Variants in NR2C2 observed in about 807,000 individuals in gnomAD.
NR2C2 encodes Nuclear hormone receptor TR4.
Under a neutral mutation model 62.9 loss-of-function variants are expected in NR2C2, and 6 were observed. The observed-to-expected ratio is 0.10, with a 90% confidence interval of 0.05 to 0.19. The LOEUF (loss-of-function observed/expected upper bound fraction) is 0.19, where lower values mean the gene tolerates loss of function less well. NR2C2 is among the 10% of genes least tolerant of loss of function. NR2C2 has a pLI of 1.00. For synonymous variants in NR2C2, 272 were observed against 273.8 expected, an observed-to-expected ratio of 0.99 and a Z score of 0.07; for missense variants, 479 against 762.7, an observed-to-expected ratio of 0.63 and a Z score of 4.38.
In NR2C2 at chr3:14,996,044, G is replaced by A. The variant is rs62240379; in HGVS notation, c.-39-7832G>A. Among the ~76,000 whole-genome samples the A allele has an allele frequency of 4.5e-3, 691 of 152,182 alleles. 3 individuals are homozygous for A. The highest frequency in any genetic ancestry group is 0.01 in the Middle Eastern group (3 of 294). On this transcript the variant is annotated intron_variant, in intron 1 of 13. Transcript: ENST00000425241. ...TTGTCTTCTTTTCATTGAGTTATAA[G>A]GGTTCTTCATATATTCTGAATAAAA...
chr3:14,981,445 T>A (rs1229457902), intron 1 of NR2C2, among the ~76,000 whole-genome samples: 2 of 151,476 alleles, frequency 1.3e-5, no homozygotes, highest in Non-Finnish European at 2.9e-5. Flanking sequence ...CTGCTAAAAA[T>A]ACAAAAAATT....
chr3:14,948,315 C>T (rs1239147710), intron 1 of NR2C2: 3 of 152,370 alleles, frequency 2.0e-5, no homozygotes, highest in Non-Finnish European at 4.4e-5. Context: ...TTCACCCCTC[C>T]GCTTCTAGTC....
intron 1 of NR2C2, among the ~76,000 whole-genome samples, chr3:14,961,084 C>T (rs2039675913): frequency 6.6e-6 from 1 of 152,148 alleles, no homozygotes; most frequent in African/African-American, 2.4e-5. Context: ...GGTCTCATGT[C>T]ATTGTAGAAG....
At position 15,003,931 on chromosome 3, in the gene NR2C2, C is replaced by A; in HGVS notation, c.17C>A (p.Pro6Gln). The A allele has an allele frequency of 6.2e-7, 1 of 1,613,958 alleles. No homozygotes were observed. Residue 6 changes from proline to glutamine, a missense_variant, in exon 2 of 14, where the codon CCA (proline) becomes CAA (glutamine). Physicochemically the swap from Pro to Gln is moderately conservative, Grantham distance 76. This residue lies in a region of NR2C2 where 115 missense variants were observed against 152.3 expected (regional missense o/e 0.76). Coordinates refer to ENST00000425241, the MANE Select transcript of NR2C2 (RefSeq NM_001291694.2). ...TCTCCAGGGATGACCAGCCCCTCCC[C>A]ACGCATCCAGATAATCTCCACCGAC... MTSPS[P>Q]RIQIISTDSA... is the part of the protein sequence containing the mutation.
chr3:14,964,396 C>T (rs2039776649), intron 1 of NR2C2, among the ~76,000 whole-genome samples: 1 of 152,236 alleles, frequency 6.6e-6, no homozygotes, highest in Admixed American at 6.5e-5. Flanking sequence ...CCTCCTACCA[C>T]TATGCAGTCA....
chr3:15,007,918 C>T (rs1162787821), intron 2 of NR2C2, among the ~76,000 whole-genome samples: 1 of 152,178 alleles, frequency 6.6e-6, no homozygotes, highest in Non-Finnish European at 1.5e-5. Context: ...TATGTAACTG[C>T]TCCAAGTTGA....
intron 2 of NR2C2, among the ~76,000 whole-genome samples, chr3:15,006,782 T>A (rs1331935607): frequency 6.6e-6 from 1 of 152,026 alleles, no homozygotes; most frequent in Admixed American, 6.6e-5. Flanking sequence ...GAATCTTTTT[T>A]TTTTTTTTTT....
chr3:14,959,545 A>T (rs1378825512), intron 1 of NR2C2: 1 of 152,008 alleles, frequency 6.6e-6, no homozygotes, highest in African/African-American at 2.4e-5. Context: ...GAAGGTGCAC[A>T]TTCCTCCTTG....
At chr3:15,006,546 G>A (rs2041177811) in intron 2 of NR2C2, among the ~76,000 whole-genome samples, 1 of 152,106 alleles carries the variant, frequency 6.6e-6, no homozygotes, top group Non-Finnish European at 1.5e-5. Flanking sequence ...CTGGTTTTGG[G>A]TTGAGGGACA....
At chr3:15,040,855 G>A (rs879255895) in intron 13 of NR2C2, among the ~76,000 whole-genome samples, 2 of 152,160 alleles carry the variant, frequency 1.3e-5, no homozygotes, top group Non-Finnish European at 2.9e-5. Flanking sequence ...ATACAGTCAG[G>A]TTGTCCTCCT....
chr3:14,957,384 A>C (rs1029795372), intron 1 of NR2C2, among the ~76,000 whole-genome samples: 16 of 152,212 alleles, frequency 1.1e-4, no homozygotes, highest in Non-Finnish European at 2.4e-4. Context: ...TCACTAAAGA[A>C]ACTCTGGTTG....
rs1464443119 is a variant in NR2C2 at position 15,024,004 on chromosome 3, T to C, written c.705-111T>C. The C allele has an allele frequency of 3.9e-6, 3 of 769,050 alleles. No homozygotes were observed. The East Asian group carries it at 7.9e-5, about 20-fold the overall frequency. 47.6% of individuals were successfully genotyped at this position (769,050 alleles called of 1,614,324 possible). A position where few individuals can be genotyped will look rare whatever the true frequency, so the allele number is the denominator to read the frequency against. On this transcript the variant is annotated intron_variant, in intron 6 of 13. Coordinates refer to ENST00000425241, the MANE Select transcript of NR2C2 (RefSeq NM_001291694.2). ...TAAGCGGCTGAGTCTACTTAGAGCT[T>C]TTCTACTATTCAGACAGCTTCACAA...
In NR2C2 at chr3:15,028,636, C is replaced by T. The variant is rs1197719822; in HGVS notation, c.849C>T (p.Ser283=). Residue 283 remains serine, a synonymous_variant, in exon 8 of 14, where the codon TCC becomes TCT. Coordinates refer to ENST00000425241, the MANE Select transcript of NR2C2 (RefSeq NM_001291694.2). ...GCACACTGGCAAATGTAGTGACCTC[C>T]CTTGCCAACCTAAGTGAATCTTTGA... is the stretch of plus-strand genomic sequence containing the variant. The part of the protein sequence containing the change: ...ALGTLANVVT[S]LANLSESLNN... 1 of 1,614,050 alleles carries T rather than the reference C, an allele frequency of 6.2e-7. No individual in the cohort carries two copies. Among genetic ancestry groups the T allele is most frequent in the East Asian group, 2.2e-5 (1 of 44,882 alleles).
intron 11 of NR2C2, among the ~76,000 whole-genome samples, chr3:15,035,637 G>A (rs1038538801): frequency 2.0e-5 from 3 of 152,128 alleles, no homozygotes; most frequent in South Asian, 2.1e-4. Context: ...GCTCACTCCT[G>A]TAATCCCAGC....
rs747720488 is a variant in NR2C2 at position 15,047,609 on chromosome 3, A to G, written c.*4601A>G. On this transcript the variant is annotated 3_prime_UTR_variant, in exon 14 of 14. Coordinates refer to ENST00000425241, the MANE Select transcript of NR2C2 (RefSeq NM_001291694.2). ...GGCCTGACTCCCAAAGATGGTAGCA[A>G]TTTCCCAGGCTTGCGCTGTGCTCAG... is the stretch of plus-strand genomic sequence containing the variant. The G allele has an allele frequency of 2.0e-5, 3 of 152,196 alleles. No homozygotes were observed. Among genetic ancestry groups the G allele is most frequent in the Non-Finnish European group, 1.5e-5 (1 of 68,052 alleles). 9.4% of individuals were successfully genotyped at this position (152,196 alleles called of 1,614,324 possible). A position where few individuals can be genotyped will look rare whatever the true frequency, so the allele number is the denominator to read the frequency against.
chr3:14,981,144 A>G (rs1011603399), intron 1 of NR2C2, among the ~76,000 whole-genome samples: 5 of 152,214 alleles, frequency 3.3e-5, no homozygotes, highest in African/African-American at 9.6e-5. Flanking sequence ...GCACTGCTAA[A>G]CACTGTACAT....
intron 1 of NR2C2, among the ~76,000 whole-genome samples, chr3:14,979,155 T>G (rs917490834): frequency 6.6e-6 from 1 of 152,228 alleles, no homozygotes; most frequent in African/African-American, 2.4e-5. Flanking sequence ...CTTTTTGTCT[T>G]TGTGGGTTTG....
intron 1 of NR2C2, among the ~76,000 whole-genome samples, chr3:14,989,423 T>C (rs2040602177): frequency 6.6e-6 from 1 of 152,120 alleles, no homozygotes; most frequent in Non-Finnish European, 1.5e-5. Context: ...TTCTTGTGGG[T>C]CTTTTCTATG....
At chr3:15,034,831 C>G (rs1448143298) in intron 11 of NR2C2, 22 bp downstream of exon 11, 1 of 1,596,992 alleles carries the variant, frequency 6.3e-7, no homozygotes, top group Non-Finnish European at 8.5e-7. Context: ...GGACTTGGGG[C>G]TGGGGTGTGT....
Sources: allele counts gnomAD v4.1 joint callset (sites outside exome capture counted in the v4.1 genomes callset), GRCh38; gene constraint gnomAD v4.1.1; regional missense constraint gnomAD v4.1.1; transcripts MANE v1.5; gene names NCBI Gene and HGNC (gene_info 2026-07-23, HGNC 2026-07-21).